The following CACNA1A variants were observed in gnomAD, a reference collection of about 807,000 sequenced individuals.
CACNA1A encodes calcium voltage-gated channel subunit alpha1 A, also known as voltage-dependent P/Q-type calcium channel subunit alpha-1A.
A neutral mutation model predicts 262.4 loss-of-function variants in CACNA1A; 57 were observed. The ratio of observed to expected loss-of-function variants is 0.22; its 90% CI spans 0.18 to 0.27. The LOEUF is 0.27. Among genes scored for constraint, CACNA1A ranks in the 10% least tolerant of loss-of-function variants. The pLI is 1.00. For missense variants in CACNA1A, 2,526 were observed against 3,562.8 expected (o/e 0.71, Z 7.41); for synonymous variants, 1,431 against 1,419.3 (o/e 1.01, Z -0.18).
chr19:13,391,211 ATCTTAGTTT>A (rs2059705356), intron 3 of CACNA1A, among the ~76,000 whole-genome samples: 1 of 152,148 alleles, frequency 6.6e-6, no homozygotes, highest in African/African-American at 2.4e-5. Context: ...TTGAACAAAT[ATCTTAGTTT>A]TCATGTAATC....
chr19:13,459,776 T>C (rs2061083077), intron 1 of CACNA1A, among the ~76,000 whole-genome samples: 1 of 152,144 alleles, frequency 6.6e-6, no homozygotes, highest in African/African-American at 2.4e-5. Flanking sequence ...TGCCCCTCAA[T>C]GGCAGGGATG....
chr19:13,296,728 T>C (rs890327874), intron 19 of CACNA1A, among the ~76,000 whole-genome samples: 1 of 151,842 alleles, frequency 6.6e-6, no homozygotes, highest in Non-Finnish European at 1.5e-5. Flanking sequence ...CCTTCAATTC[T>C]AACGGCCCAA....
At chr19:13,497,560 ATATATATATATATAT>A (rs1374758930) in intron 1 of CACNA1A, among the ~76,000 whole-genome samples, 8 of 46,930 alleles carry the variant, frequency 1.7e-4, no homozygotes, top group East Asian at 6.5e-4. Flanking sequence ...ATATATATAT[ATATATATATATATAT>A]ATATAAATTT....
chr19:13,482,285 A>G (rs999871901), intron 1 of CACNA1A, among the ~76,000 whole-genome samples: 1 of 151,958 alleles, frequency 6.6e-6, no homozygotes, highest in Admixed American at 6.6e-5. Flanking sequence ...GGAGATCGAG[A>G]CCATCCTGGC....
At chr19:13,323,713 T>C (rs1183913888) in intron 10 of CACNA1A, among the ~76,000 whole-genome samples, 1 of 152,218 alleles carries the variant, frequency 6.6e-6, no homozygotes, top group Non-Finnish European at 1.5e-5. Context: ...CTCACATTCC[T>C]TAGGTTGTCT....
Position 13,486,709 on chromosome 19 carries a change from T to G in CACNA1A, c.293+19223A>C, listed in dbSNP as rs577965012. Among the ~76,000 whole-genome samples the G allele has an allele frequency of 4.6e-5, 7 of 152,020 alleles. No individual in the cohort carries two copies. The South Asian group carries it at 8.3e-4, about 18-fold the overall frequency. ...TTCTTTCTGTCTCTCTTTCTCTACCTCCATATCTCTCCCTCTCCTTCATCC... is the reference window on the plus strand; with the variant it reads ...TTCTTTCTGTCTCTCTTTCTCTACCGCCATATCTCTCCCTCTCCTTCATCC... On this transcript the variant is annotated intron_variant, in intron 1 of 46. Transcript: ENST00000360228.
chr19:13,226,723 C>T (rs550581744), intron 37 of CACNA1A, among the ~76,000 whole-genome samples: 3 of 152,298 alleles, frequency 2.0e-5, no homozygotes, highest in African/African-American at 7.2e-5. Flanking sequence ...CCCCAGGCCC[C>T]GCCAAGGCAG....
intron 31 of CACNA1A, among the ~76,000 whole-genome samples, chr19:13,240,566 CTGTG>C (rs138350736): frequency 1.4e-5 from 2 of 146,454 alleles, no homozygotes; most frequent in South Asian, 2.2e-4. Flanking sequence ...TGCATAGTGA[CTGTG>C]TGTCCAGTTT....
intron 22 of CACNA1A, among the ~76,000 whole-genome samples, chr19:13,278,689 A>T (rs2057211332): frequency 6.6e-6 from 1 of 152,238 alleles, no homozygotes; most frequent in African/African-American, 2.4e-5. Flanking sequence ...TCTCCAGCTT[A>T]TAATACAGGG....
At chr19:13,471,616 A>G (rs889985912) in intron 1 of CACNA1A, among the ~76,000 whole-genome samples, 2 of 152,240 alleles carry the variant, frequency 1.3e-5, no homozygotes, top group Non-Finnish European at 2.9e-5. Flanking sequence ...TGGTCTATCC[A>G]TTTCATTCTC....
chr19:13,286,610 G>T lies in CACNA1A; in HGVS notation c.3446C>A (p.Pro1149His). 6.5e-7 allele frequency: 1 copy of T among 1,541,220 alleles called. No homozygotes were observed. Among genetic ancestry groups the T allele is most frequent in the Non-Finnish European group, 8.7e-7 (1 of 1,145,472 alleles). The change falls in exon 20 of 47, where the codon CCC (proline) becomes CAC (histidine). Residue 1149 changes from proline (P) to histidine (H), a missense_variant. Coordinates refer to ENST00000360228, the MANE Select transcript of CACNA1A (RefSeq NM_001127222.2). The part of the protein sequence containing the change: ...TPENSLIVTN[P>H]SGTQTNSAKT... The stretch of plus-strand genomic sequence containing the variant: ...AGCTGAATTGGTCTGGGTGCCGCTG[G>T]GGTTGGTGACGATAAGGCTATTCTC...
intron 19 of CACNA1A, among the ~76,000 whole-genome samples, chr19:13,290,849 C>T (rs960330931): frequency 2.6e-5 from 4 of 152,220 alleles, no homozygotes; most frequent in Non-Finnish European, 4.4e-5. Context: ...CTTTGGCCAC[C>T]AGCTCAAGAA....
intron 10 of CACNA1A, among the ~76,000 whole-genome samples, chr19:13,324,278 A>T (rs1353118711): frequency 6.6e-6 from 1 of 152,208 alleles, no homozygotes; most frequent in East Asian, 1.9e-4. Flanking sequence ...ATCAAAGGGT[A>T]TAAGTTGCAG....
Position 13,214,638 on chromosome 19 carries a change from T to A in CACNA1A, c.5732-30A>T. 6.5e-7 allele frequency: 1 copy of A among 1,537,670 alleles called. No individual in the cohort carries two copies. The highest frequency in any genetic ancestry group is 9.0e-7 in the Non-Finnish European group (1 of 1,114,184). ...AATGGGGGTGTAGACAGACCCTGAC[T>A]GCCTGCCTGGGTGTCAGCTGGACTC... On this transcript the variant is annotated intron_variant, in intron 38 of 46. Transcript: ENST00000360228. This position sits in a 1 kb window ranked among gnomAD's most constrained non-coding sequence, Gnocchi z 4.1.
At chr19:13,250,100 C>T (rs1444409441) in intron 30 of CACNA1A, among the ~76,000 whole-genome samples, 1 of 151,900 alleles carries the variant, frequency 6.6e-6, no homozygotes, top group African/African-American at 2.4e-5. Context: ...CACTCTGTCA[C>T]CCAGGCTGGA....
chr19:13,324,745 G>A (rs929916362), intron 10 of CACNA1A, among the ~76,000 whole-genome samples: 3 of 151,962 alleles, frequency 2.0e-5, no homozygotes, highest in Admixed American at 6.6e-5. Flanking sequence ...GGGTGTGGTG[G>A]TGCCTGTAGT....
chr19:13,241,374 A>G lies in CACNA1A; in HGVS notation c.4950+3808T>C, dbSNP rs372241244. The G allele has an allele frequency of 3.3e-5, 23 of 694,750 alleles. No homozygotes were observed. In the African/African-American group the frequency reaches 3.9e-4, roughly 12 times the overall value. The allele number at this position is 694,750 out of a possible 1,614,324, so 43.0% of individuals were successfully genotyped here. A position where few individuals can be genotyped will look rare whatever the true frequency, so the allele number is the denominator to read the frequency against. On this transcript the variant is annotated intron_variant, in intron 31 of 46. Transcript: ENST00000360228. This position sits in a 1 kb window ranked among gnomAD's most constrained non-coding sequence, Gnocchi z 4.0. ...AGGCACAGGGGCTGGGGGCGGGAGGACAGACAGACAGAGGAGAGCGGAGGG... is the reference window on the plus strand; with the variant it reads ...AGGCACAGGGGCTGGGGGCGGGAGGGCAGACAGACAGAGGAGAGCGGAGGG...
chr19:13,287,891 C>T (rs538725532), intron 19 of CACNA1A, among the ~76,000 whole-genome samples: 92 of 148,986 alleles, frequency 6.2e-4, no homozygotes, highest in African/African-American at 1.8e-3. Context: ...CAGCCTTGAA[C>T]TTCTGGGCTC....
rs1041484185 is a variant in CACNA1A at position 13,453,126 on chromosome 19, C to T, written c.400-111G>A. On this transcript the variant is annotated intron_variant, in intron 2 of 46. Transcript: ENST00000360228. The stretch of plus-strand genomic sequence containing the variant: ...CCTATCACCCTCTCACTTCCCCTGA[C>T]CCTCCTGCACTCACCACCCCTCACT... 1.1e-4 allele frequency: 117 copies of T among 1,079,262 alleles called. 1 individual carries two copies. Among genetic ancestry groups the T allele is most frequent in the Admixed American group, 9.3e-4 (46 of 49,336 alleles). 66.9% of individuals were successfully genotyped at this position (1,079,262 alleles called of 1,614,324 possible). A position where few individuals can be genotyped will look rare whatever the true frequency, so the allele number is the denominator to read the frequency against.
Sources: allele counts gnomAD v4.1 joint callset (sites outside exome capture counted in the v4.1 genomes callset), GRCh38; gene constraint gnomAD v4.1.1; non-coding constraint Gnocchi (gnomAD v3.1); transcripts MANE v1.5; gene names NCBI Gene and HGNC (gene_info 2026-07-23, HGNC 2026-07-21).